Variants in DSCAM observed in about 807,000 individuals in gnomAD.
DSCAM encodes the protein DS cell adhesion molecule.
DSCAM carries 47 observed loss-of-function variants against 217.7 expected under a neutral mutation model. The observed-to-expected ratio is 0.22, with a 90% confidence interval of 0.17 to 0.28. The LOEUF is 0.28. Ranked by LOEUF, DSCAM falls within the 10% of genes least tolerant of loss-of-function variation. The pLI is 1.00. For synonymous variants in DSCAM, 1,056 were observed against 1,015.3 expected, an observed-to-expected ratio of 1.04 and a Z score of -0.76; for missense variants, 2,080 against 2,618.3, an observed-to-expected ratio of 0.79 and a Z score of 4.49.
chr21:40,267,621 G>C (rs1465813636), intron 11 of DSCAM, among the ~76,000 whole-genome samples: 2 of 152,188 alleles, frequency 1.3e-5, no homozygotes, highest in African/African-American at 4.8e-5. Flanking sequence ...TATGGGCCGG[G>C]TGTGGTGGCT....
chr21:40,845,746 G>A (rs552381192), intron 1 of DSCAM, among the ~76,000 whole-genome samples: 100 of 152,168 alleles, frequency 6.6e-4, no homozygotes, highest in African/African-American at 2.3e-3. Flanking sequence ...CTACTCCCAG[G>A]CGATGTCAAA....
chr21:40,093,896 T>C, intron 20 of DSCAM, 22 bp from the exon 21 acceptor site: 1 of 1,599,864 alleles, frequency 6.3e-7, no homozygotes, highest in South Asian at 1.1e-5. Context: ...GACATAAGTG[T>C]TCCCACATTC....
chr21:40,630,172 A>G, intron 3 of DSCAM, among the ~76,000 whole-genome samples: 1 of 152,210 alleles, frequency 6.6e-6, no homozygotes, highest in Non-Finnish European at 1.5e-5. Flanking sequence ...AGTATGTCTA[A>G]TATTAGGGAA....
chr21:40,053,769 C>T (rs1037512933), intron 29 of DSCAM, among the ~76,000 whole-genome samples: 1 of 152,146 alleles, frequency 6.6e-6, no homozygotes, highest in African/African-American at 2.4e-5. Flanking sequence ...GTCATATTTA[C>T]AAATGGAAAT....
At chr21:40,376,192 T>G (rs2074948504) in intron 3 of DSCAM, among the ~76,000 whole-genome samples, 1 of 152,130 alleles carries the variant, frequency 6.6e-6, no homozygotes, top group South Asian at 2.1e-4. Flanking sequence ...ACAAGCACGA[T>G]GAAGCTTTTC....
intron 1 of DSCAM, among the ~76,000 whole-genome samples, chr21:40,797,613 C>T (rs145105659): frequency 5.3e-4 from 81 of 152,238 alleles, no homozygotes; most frequent in Non-Finnish European, 8.2e-4. Flanking sequence ...TAAATGCAAA[C>T]AGCCAGGGGA....
At chr21:40,063,457 G>A (rs552363081) in intron 27 of DSCAM, among the ~76,000 whole-genome samples, 1 of 151,034 alleles carries the variant, frequency 6.6e-6, no homozygotes, top group Non-Finnish European at 1.5e-5. Context: ...TACCACTCTT[G>A]ACAGAAGGAA....
chr21:40,683,762 C>T (rs574575251), intron 3 of DSCAM, among the ~76,000 whole-genome samples: 9 of 152,268 alleles, frequency 5.9e-5, no homozygotes, highest in African/African-American at 2.2e-4. Flanking sequence ...GAAAGCTGTT[C>T]TCAGCCCCTG....
chr21:40,583,110 G>C (rs958270540), intron 3 of DSCAM, among the ~76,000 whole-genome samples: 1 of 152,142 alleles, frequency 6.6e-6, no homozygotes, highest in African/African-American at 2.4e-5. Context: ...CAAGTACAAA[G>C]TAGAATCACA....
At chr21:40,157,255 G>A (rs532516407) in intron 16 of DSCAM, among the ~76,000 whole-genome samples, 4 of 152,208 alleles carry the variant, frequency 2.6e-5, no homozygotes, top group East Asian at 1.9e-4. Context: ...AGTTAAGACC[G>A]AGACTGCAGG....
chr21:40,618,270 A>C (rs2089431411), intron 3 of DSCAM, among the ~76,000 whole-genome samples: 1 of 152,238 alleles, frequency 6.6e-6, no homozygotes, highest in Admixed American at 6.5e-5. Flanking sequence ...ATACATTTTA[A>C]AATGTTACTG....
intron 1 of DSCAM, among the ~76,000 whole-genome samples, chr21:40,828,649 C>T (rs2091988793): frequency 2.2e-5 from 3 of 136,696 alleles, no homozygotes; most frequent in African/African-American, 8.4e-5. Context: ...CCAGGGGACA[C>T]CCCACCCTCT....
chr21:40,312,827 T>C (rs965016352), intron 8 of DSCAM, among the ~76,000 whole-genome samples: 45 of 152,288 alleles, frequency 3.0e-4, no homozygotes, highest in Non-Finnish European at 1.3e-4. Context: ...GAAATTCCAA[T>C]TTTGGCTGGA....
intron 1 of DSCAM, among the ~76,000 whole-genome samples, chr21:40,790,758 GA>G (rs1454590294): frequency 6.6e-6 from 1 of 152,112 alleles, no homozygotes. Flanking sequence ...AAATAAATAA[GA>G]ATTTGTAACA....
chr21:40,814,707 A>C (rs575281233), intron 1 of DSCAM, among the ~76,000 whole-genome samples: 3 of 152,234 alleles, frequency 2.0e-5, no homozygotes, highest in Non-Finnish European at 4.4e-5. Context: ...GATGTGATTG[A>C]CTTGGAACCA....
intron 11 of DSCAM, among the ~76,000 whole-genome samples, chr21:40,220,057 C>T (rs569489416): frequency 1.1e-4 from 16 of 152,306 alleles, no homozygotes; most frequent in South Asian, 6.2e-4. Flanking sequence ...CTGTTTTCAA[C>T]GTTTTGCCAG....
At chr21:40,650,841 G>C (rs1424493481) in intron 3 of DSCAM, among the ~76,000 whole-genome samples, 1 of 152,176 alleles carries the variant, frequency 6.6e-6, no homozygotes, top group Non-Finnish European at 1.5e-5. Context: ...TTGAACCTGG[G>C]AGGCGGAGGT....
At chr21:40,419,386 G>GA (rs1225234652) in intron 3 of DSCAM, among the ~76,000 whole-genome samples, 1 of 152,118 alleles carries the variant, frequency 6.6e-6, no homozygotes, top group Non-Finnish European at 1.5e-5. Context: ...AAATAATTCT[G>GA]AAACATATAT....
intron 20 of DSCAM, among the ~76,000 whole-genome samples, chr21:40,112,772 A>G (rs556317801): frequency 1.7e-4 from 26 of 152,356 alleles, no homozygotes; most frequent in African/African-American, 6.0e-4. Context: ...CTACCATCAG[A>G]GAATACTATA....
Sources: allele counts gnomAD v4.1 joint callset (sites outside exome capture counted in the v4.1 genomes callset), GRCh38; gene constraint gnomAD v4.1.1; transcripts MANE v1.5; gene names NCBI Gene and HGNC (gene_info 2026-07-23, HGNC 2026-07-21).